The following ACSM4 variants were observed in gnomAD, a reference collection of about 807,000 sequenced individuals.
ACSM4 encodes the protein acyl-coenzyme A synthetase ACSM4, mitochondrial.
A neutral mutation model predicts 73.0 loss-of-function variants in ACSM4; 66 were observed. The ratio of observed to expected loss-of-function variants is 0.90; its 90% confidence interval spans 0.74 to 1.11. The LOEUF (loss-of-function observed/expected upper bound fraction) is 1.11, where lower values mean the gene tolerates loss of function less well. ACSM4 is among the 50% of genes least tolerant of loss of function. ACSM4 has a pLI of 0.00. For missense variants in ACSM4, 645 were observed against 714.4 expected, an observed-to-expected ratio of 0.90 and a Z score of 1.11; for synonymous variants, 222 against 254.0, an observed-to-expected ratio of 0.87 and a Z score of 1.20.
At chr12:7,316,992 T>C in intron 3 of ACSM4, 145 bp from the exon 4 acceptor site, 1 of 1,030,074 alleles carries the variant, frequency 9.7e-7, no homozygotes. Flanking sequence ...TCTTGAGGAA[T>C]TCCTCTCAGG....
intron 3 of ACSM4, 69 bp from the exon 4 acceptor site, chr12:7,317,068 G>A: frequency 6.5e-7 from 1 of 1,530,516 alleles, no homozygotes; most frequent in Non-Finnish European, 8.8e-7. Flanking sequence ...AAGTAGTTGA[G>A]CAGAGGAAAT....
intron 8 of ACSM4, 55 bp downstream of exon 8, chr12:7,323,369 T>A: frequency 6.3e-7 from 1 of 1,595,680 alleles, no homozygotes; most frequent in Non-Finnish European, 8.6e-7. Flanking sequence ...CGTTTTCCTT[T>A]TCTGCTATTC....
At chr12:7,314,370 T>C (rs73270524) in intron 3 of ACSM4, among the ~76,000 whole-genome samples, 4,555 of 152,260 alleles carry the variant, frequency 0.03, 241 homozygotes, top group African/African-American at 0.1. Context: ...GTTATTAGTA[T>C]ATAATTAGCT....
At chr12:7,327,518 A>G (rs746478806) in intron 12 of ACSM4, among the ~76,000 whole-genome samples, 1 of 152,330 alleles carries the variant, frequency 6.6e-6, no homozygotes, top group South Asian at 2.1e-4. Flanking sequence ...AGAAGATGAT[A>G]TCCAAAGAAA....
chr12:7,313,983 G>A (rs1946404454), intron 3 of ACSM4, among the ~76,000 whole-genome samples: 1 of 152,200 alleles, frequency 6.6e-6, no homozygotes, highest in Admixed American at 6.5e-5. Flanking sequence ...TGGCAAATAT[G>A]TAGAGGATTA....
chr12:7,320,828 T>G lies in ACSM4; in HGVS notation c.1001+24T>G, dbSNP rs1336875990. On this transcript the variant is annotated intron_variant, in intron 6 of 12. Coordinates refer to ENST00000399422, the MANE Select transcript of ACSM4 (RefSeq NM_001080454.2). ...AGGTACTTGGGCAGAAATCTCCATT[T>G]GAACCACAAACAATAGCTACCATCC... The G allele has an allele frequency of 1.9e-6, 3 of 1,570,778 alleles. No homozygotes were observed. The East Asian group carries it at 6.7e-5, about 35-fold the overall frequency.
At chr12:7,308,224 A>G (rs769598620) in intron 2 of ACSM4, among the ~76,000 whole-genome samples, 2 of 152,344 alleles carry the variant, frequency 1.3e-5, no homozygotes, top group Admixed American at 1.3e-4. Flanking sequence ...ACTAAAAACA[A>G]CTTGCAAATG....
At chr12:7,308,142 T>C (rs757630811) in intron 2 of ACSM4, among the ~76,000 whole-genome samples, 19 of 151,894 alleles carry the variant, frequency 1.3e-4, no homozygotes, top group East Asian at 1.9e-4. Flanking sequence ...CTGTTGAAGA[T>C]GATCTTTCTG....
At chr12:7,318,753 T>A (rs920597524) in intron 5 of ACSM4, among the ~76,000 whole-genome samples, 8 of 152,128 alleles carry the variant, frequency 5.3e-5, no homozygotes, top group African/African-American at 1.9e-4. Flanking sequence ...TTTAGAAAAA[T>A]GTGATTCAGG....
chr12:7,306,519 G>A lies in ACSM4; in HGVS notation c.202-14G>A. On this transcript the variant is annotated splice_polypyrimidine_tract_variant and intron_variant, in intron 1 of 12. Transcript: ENST00000399422. ...GTAAACCTACCCCTCTCTTTTCCAT[G>A]TGTCCCTGGTCAGACAGGGGAGAGA... is the stretch of plus-strand genomic sequence containing the variant. 1 of 1,573,454 alleles carries A rather than the reference G, an allele frequency of 6.4e-7. No individual in the cohort carries two copies. Among genetic ancestry groups the A allele is most frequent in the East Asian group, 2.3e-5 (1 of 42,730 alleles).
intron 7 of ACSM4, 68 bp downstream of exon 7, chr12:7,322,609 C>T: frequency 6.6e-7 from 1 of 1,525,430 alleles, no homozygotes; most frequent in East Asian, 2.3e-5. Flanking sequence ...TTCAACTGAG[C>T]CCCTGAAGTG....
At chr12:7,318,303 A>G in intron 5 of ACSM4, 121 bp downstream of exon 5, 4 of 1,342,430 alleles carry the variant, frequency 3.0e-6, no homozygotes, top group Admixed American at 2.5e-5. Context: ...ATTTCTTTAT[A>G]CAAAGCAAAG....
rs11051144 is a variant in ACSM4, at chr12:7,326,513, T to C, written c.1537-463T>C. 0.022 allele frequency among the ~76,000 whole-genome samples: 3,375 copies of C among 152,262 alleles called. 334 individuals are homozygous for C. The East Asian group carries it at 0.32, about 15-fold the overall frequency. On this transcript the variant is annotated intron_variant, in intron 11 of 12. Coordinates refer to ENST00000399422, the MANE Select transcript of ACSM4 (RefSeq NM_001080454.2). ...GTGTAAGCCACCATGCTCAGCCCTT[T>C]CCTGAGATTTGATCTCCCAGGATAC...
chr12:7,304,934 AGCAAGCG>A, intron 1 of ACSM4, among the ~76,000 whole-genome samples: 1 of 152,338 alleles, frequency 6.6e-6, no homozygotes, highest in South Asian at 2.1e-4. Context: ...ACAAGAATAA[AGCAAGCG>A]GCCCTTATGC....
intron 1 of ACSM4, among the ~76,000 whole-genome samples, chr12:7,305,144 G>A (rs1339837174): frequency 6.6e-6 from 1 of 152,162 alleles, no homozygotes; most frequent in Admixed American, 6.6e-5. Flanking sequence ...GTTAAATACA[G>A]GGGGAAAGCC....
At chr12:7,319,355 G>C (rs151294591) in intron 5 of ACSM4, among the ~76,000 whole-genome samples, 4 of 152,230 alleles carry the variant, frequency 2.6e-5, no homozygotes, top group African/African-American at 9.6e-5. Context: ...ACTTTGGGAG[G>C]CTGAAGCAGG....
At chr12:7,326,948 G>A (rs758066327) in intron 11 of ACSM4, 28 bp from the exon 12 acceptor site, 3 of 1,567,676 alleles carry the variant, frequency 1.9e-6, no homozygotes, top group Non-Finnish European at 2.6e-6. Context: ...AAACAAATGA[G>A]CAAGATAAAT....
At chr12:7,304,598 G>A in intron 1 of ACSM4, 66 bp downstream of exon 1, 1 of 1,518,710 alleles carries the variant, frequency 6.6e-7, no homozygotes, top group Non-Finnish European at 9.1e-7. Flanking sequence ...CCATTTCCTT[G>A]TTCTGTGGTC....
chr12:7,318,427 G>C (rs1020645063), intron 5 of ACSM4: 4 of 450,796 alleles, frequency 8.9e-6, no homozygotes, highest in Non-Finnish European at 1.2e-5. Flanking sequence ...ATTTGCTAGT[G>C]TTGCTAAATC....
Sources: gnomAD v4.1 joint callset for allele counts (sites outside exome capture counted in the v4.1 genomes callset) on GRCh38, gnomAD v4.1.1 for gene constraint, MANE v1.5 for transcripts, NCBI Gene and HGNC (gene_info 2026-07-23, HGNC 2026-07-21) for gene names.